The following KANSL1 variants were observed in gnomAD, a reference collection of about 807,000 sequenced individuals.
KANSL1 encodes KAT8 regulatory NSL complex subunit 1, also known as MLL1/MLL complex subunit KANSL1.
KANSL1 carries 22 observed loss-of-function variants against 103.6 expected under a neutral mutation model. The ratio of observed to expected loss-of-function variants is 0.21; its 90% CI spans 0.15 to 0.30. The LOEUF (loss-of-function observed/expected upper bound fraction) is 0.30. Ranked by LOEUF, KANSL1 falls within the 10% of genes least tolerant of loss-of-function variation. The pLI is 1.00. For missense variants in KANSL1, 1,337 were observed against 1,399.8 expected, an observed-to-expected ratio of 0.96 and a Z score of 0.72; for synonymous variants, 600 against 527.6, an observed-to-expected ratio of 1.14 and a Z score of -1.88.
intron 1 of KANSL1, among the ~76,000 whole-genome samples, chr17:46,209,061 C>T (rs2048075089): frequency 6.6e-6 from 1 of 151,960 alleles, no homozygotes; most frequent in Non-Finnish European, 1.5e-5. Context: ...CGCATGCCTG[C>T]AGTCTCAGCT....
At chr17:46,110,893 C>T (rs1016666908) in intron 2 of KANSL1, among the ~76,000 whole-genome samples, 7 of 152,150 alleles carry the variant, frequency 4.6e-5, no homozygotes, top group Non-Finnish European at 1.0e-4. Context: ...AGATACAAAG[C>T]AGTAGTAATA....
chr17:46,104,978 G>A (rs1271326842), intron 2 of KANSL1, among the ~76,000 whole-genome samples: 22 of 152,196 alleles, frequency 1.4e-4, no homozygotes, highest in East Asian at 1.9e-4. Context: ...ACCACGCCTC[G>A]CTAATTTTTT....
At chr17:46,105,960 G>A (rs1173234392) in intron 2 of KANSL1, among the ~76,000 whole-genome samples, 7 of 139,350 alleles carry the variant, frequency 5.0e-5, no homozygotes, top group African/African-American at 2.2e-4. Flanking sequence ...CCCCCAGAAG[G>A]GTGAAGGAGC....
chr17:46,118,377 T>A (rs1481125497), intron 2 of KANSL1, among the ~76,000 whole-genome samples: 8 of 152,262 alleles, frequency 5.3e-5, no homozygotes, highest in Non-Finnish European at 7.3e-5. Flanking sequence ...ATGTGGCACA[T>A]GATACACAGT....
At chr17:46,075,763 C>T (rs2078743888) in intron 4 of KANSL1, among the ~76,000 whole-genome samples, 1 of 152,130 alleles carries the variant, frequency 6.6e-6, no homozygotes, top group South Asian at 2.1e-4. Context: ...ATATAGAATC[C>T]ATTCTGAATT....
intron 2 of KANSL1, among the ~76,000 whole-genome samples, chr17:46,155,155 A>ATTTTTTTTTTTTTTTTTTTTTT (rs33974360): frequency 9.6e-6 from 1 of 103,854 alleles, no homozygotes; most frequent in African/African-American, 4.4e-5. Context: ...TCAGCCAGGG[A>ATTTTTTTTTTTTTTTTTTTTTT]TTTTTTTTTT....
At chr17:46,149,588 A>C (rs2044959985) in intron 2 of KANSL1, among the ~76,000 whole-genome samples, 1 of 152,282 alleles carries the variant, frequency 6.6e-6, no homozygotes, top group South Asian at 2.1e-4. Context: ...ATAAAACTTT[A>C]CTTACAAAAA....
chr17:46,032,197 C>G lies in KANSL1; in HGVS notation c.2940G>C (p.Leu980Phe), dbSNP rs2077029420. ...GGGACTGACCATGGGAGTATTCTGACAAAGAGTGGCTACTGCTGACATCAG... is the reference window on the plus strand; with the variant it reads ...GGGACTGACCATGGGAGTATTCTGAGAAAGAGTGGCTACTGCTGACATCAG... ...ASPDVSSSHS[L>F]SEYSHGQSPR... is the part of the protein sequence containing the mutation. Residue 980 changes from leucine (L) to phenylalanine (F), a missense_variant, in exon 14 of 15, where the codon TTG (leucine) becomes TTC (phenylalanine). Physicochemically the swap from Leu to Phe is conservative, Grantham distance 22 (BLOSUM62 0). Transcript: ENST00000432791. 1.2e-6 allele frequency: 2 copies of G among 1,606,538 alleles called. No homozygotes were observed. Among genetic ancestry groups the G allele is most frequent in the Non-Finnish European group, 8.5e-7 (1 of 1,175,048 alleles).
chr17:46,032,473 C>T, intron 13 of KANSL1, 174 bp from the exon 14 acceptor site: 2 of 517,264 alleles, frequency 3.9e-6, no homozygotes, highest in East Asian at 3.1e-5. Context: ...GGTAGGTATA[C>T]AACATTTACC....
At chr17:46,092,206 T>C (rs2079423227) in intron 3 of KANSL1, among the ~76,000 whole-genome samples, 1 of 152,240 alleles carries the variant, frequency 6.6e-6, no homozygotes, top group African/African-American at 2.4e-5. Context: ...CATTTCTCAG[T>C]TTCCCTTTTG....
intron 2 of KANSL1, among the ~76,000 whole-genome samples, chr17:46,100,444 C>CAAAAAAAAA (rs369274727): frequency 0.092 from 7,829 of 85,050 alleles, 403 homozygotes; most frequent in Non-Finnish European, 0.14. Flanking sequence ...TCCCTCTCCC[C>CAAAAAAAAA]AAAAAAAAAA....
intron 2 of KANSL1, among the ~76,000 whole-genome samples, chr17:46,125,085 A>AGAGAGAGG (rs2043484786): frequency 5.9e-5 from 2 of 33,948 alleles, no homozygotes; most frequent in African/African-American, 3.4e-4. Flanking sequence ...AGGGAGGGAG[A>AGAGAGAGG]GAGGGAGGGA....
chr17:46,205,643 T>C (rs1358707465), intron 1 of KANSL1, among the ~76,000 whole-genome samples: 1 of 145,578 alleles, frequency 6.9e-6, no homozygotes, highest in African/African-American at 2.6e-5. Flanking sequence ...ATCACACCAC[T>C]GTACTTTAGC....
chr17:46,153,969 C>T (rs1278402339), intron 2 of KANSL1, among the ~76,000 whole-genome samples: 1 of 152,222 alleles, frequency 6.6e-6, no homozygotes, highest in Non-Finnish European at 1.5e-5. Flanking sequence ...TGAGCTGCTG[C>T]TTCAGTGCCT....
At chr17:46,048,105 G>C (rs1320868599) in intron 7 of KANSL1, among the ~76,000 whole-genome samples, 2 of 151,816 alleles carry the variant, frequency 1.3e-5, no homozygotes, top group African/African-American at 4.8e-5. Context: ...ATAGGGTTTT[G>C]CCATGTTGCC....
At chr17:46,185,079 G>A (rs1244303050) in intron 1 of KANSL1, among the ~76,000 whole-genome samples, 1 of 152,012 alleles carries the variant, frequency 6.6e-6, no homozygotes, top group Non-Finnish European at 1.5e-5. Flanking sequence ...CGCCAGCCTC[G>A]GCCTCCCAAA....
intron 1 of KANSL1, among the ~76,000 whole-genome samples, chr17:46,219,656 G>A (rs1484029618): frequency 2.6e-5 from 4 of 152,354 alleles, no homozygotes; most frequent in Non-Finnish European, 5.9e-5. Flanking sequence ...GTGAGCCATC[G>A]CGTCTGGCCA....
chr17:46,108,510 T>G (rs1351166004), intron 2 of KANSL1, among the ~76,000 whole-genome samples: 3 of 152,228 alleles, frequency 2.0e-5, no homozygotes, highest in Non-Finnish European at 4.4e-5. Flanking sequence ...AAAATTATTT[T>G]TAATTATCTA....
chr17:46,042,751 AG>A (rs1312179019), intron 7 of KANSL1: 2 of 150,296 alleles, frequency 1.3e-5, no homozygotes, highest in African/African-American at 4.9e-5. Flanking sequence ...ACTGAATGTT[AG>A]GCCTTCCAGG....
Sources: gnomAD v4.1 joint callset for allele counts (sites outside exome capture counted in the v4.1 genomes callset) on GRCh38, gnomAD v4.1.1 for gene constraint, MANE v1.5 for transcripts, NCBI Gene and HGNC (gene_info 2026-07-23, HGNC 2026-07-21) for gene names.